The following IMMP2L variants were observed in gnomAD, a reference collection of about 807,000 sequenced individuals.
IMMP2L encodes the protein mitochondrial inner membrane protease subunit 2.
Under a neutral mutation model 19.3 loss-of-function variants are expected in IMMP2L, and 18 were observed. The ratio of observed to expected loss-of-function variants is 0.93; its 90% CI spans 0.64 to 1.38. The LOEUF (loss-of-function observed/expected upper bound fraction) is 1.38. IMMP2L is among the 40% of genes most tolerant of loss of function. The pLI, the probability that IMMP2L is intolerant of heterozygous loss-of-function variation, is 0.00. For synonymous variants in IMMP2L, 76 were observed against 73.0 expected (o/e 1.04, Z -0.21); for missense variants, 233 against 218.2 (o/e 1.07, Z -0.43).
intron 3 of IMMP2L, among the ~76,000 whole-genome samples, chr7:111,385,530 C>A (rs1332846530): frequency 6.6e-6 from 1 of 152,134 alleles, no homozygotes; most frequent in Non-Finnish European, 1.5e-5. Context: ...TTTTCATTGA[C>A]AGGACTAGCA....
chr7:111,500,717 T>G (rs925951768), intron 2 of IMMP2L, among the ~76,000 whole-genome samples: 3 of 152,174 alleles, frequency 2.0e-5, no homozygotes, highest in African/African-American at 7.2e-5. Context: ...ATACAGGGTC[T>G]GGAGTGGACA....
Position 110,815,177 on chromosome 7 carries a change from C to T in IMMP2L, c.408+71416G>A, listed in dbSNP as rs188072788. ...TTTATTGAGAGTTTTTAGCATGAAGCGCTGTTGAATTTTGTCAAAGGCCTT... is the reference window on the plus strand; with the variant it reads ...TTTATTGAGAGTTTTTAGCATGAAGTGCTGTTGAATTTTGTCAAAGGCCTT... On this transcript the variant is annotated intron_variant, in intron 5 of 5. Coordinates refer to ENST00000405709, the MANE Select transcript of IMMP2L (RefSeq NM_032549.4). Among the ~76,000 whole-genome samples the T allele has an allele frequency of 3.6e-3, 545 of 152,032 alleles. 4 individuals carry two copies. The highest frequency in any genetic ancestry group is 0.01 in the Middle Eastern group (3 of 294).
At chr7:111,489,107 C>CATCTCCGCTCACTGCA in intron 2 of IMMP2L, among the ~76,000 whole-genome samples, 1 of 133,106 alleles carries the variant, frequency 7.5e-6, no homozygotes, top group Non-Finnish European at 1.5e-5. Flanking sequence ...GCAGTGGCAT[C>CATCTCCGCTCACTGCA]ATCTCCGCTC....
intron 4 of IMMP2L, among the ~76,000 whole-genome samples, chr7:110,943,515 T>C (rs544788325): frequency 6.6e-6 from 1 of 152,064 alleles, no homozygotes; most frequent in African/African-American, 2.4e-5. Context: ...AAATAATACA[T>C]GCCACTTTTG....
chr7:110,900,319 A>C (rs1315868087), intron 4 of IMMP2L, among the ~76,000 whole-genome samples: 1 of 152,194 alleles, frequency 6.6e-6, no homozygotes, highest in African/African-American at 2.4e-5. Flanking sequence ...CACTTCATGA[A>C]ACTTTAAAGC....
chr7:111,067,247 T>G (rs997708590), intron 3 of IMMP2L, among the ~76,000 whole-genome samples: 6 of 152,208 alleles, frequency 3.9e-5, no homozygotes, highest in African/African-American at 7.2e-5. Flanking sequence ...TCTACTCAGA[T>G]GAAATCAGTA....
At chr7:111,413,672 A>G (rs1277113114) in intron 3 of IMMP2L, among the ~76,000 whole-genome samples, 1 of 151,928 alleles carries the variant, frequency 6.6e-6, no homozygotes, top group Non-Finnish European at 1.5e-5. Context: ...AAGAAAAAAA[A>G]AAAATCTCAG....
chr7:111,550,524 T>C (rs927914827), intron 1 of IMMP2L, among the ~76,000 whole-genome samples: 3 of 152,142 alleles, frequency 2.0e-5, no homozygotes, highest in African/African-American at 7.2e-5. Context: ...ATGTTGATCA[T>C]GCAGGAGAGG....
intron 5 of IMMP2L, among the ~76,000 whole-genome samples, chr7:110,687,783 A>C (rs1025050367): frequency 6.6e-6 from 1 of 152,048 alleles, no homozygotes; most frequent in African/African-American, 2.4e-5. Context: ...GAGGGCCACA[A>C]AAATATATCC....
At chr7:110,690,355 G>C (rs1793404803) in intron 5 of IMMP2L, among the ~76,000 whole-genome samples, 1 of 152,090 alleles carries the variant, frequency 6.6e-6, no homozygotes, top group Non-Finnish European at 1.5e-5. Flanking sequence ...CTTTAGTTCA[G>C]TCTGCCATAC....
chr7:110,866,532 C>A (rs926975638), intron 5 of IMMP2L, among the ~76,000 whole-genome samples: 2 of 151,990 alleles, frequency 1.3e-5, no homozygotes, highest in Admixed American at 1.3e-4. Flanking sequence ...GGTAGCACAT[C>A]AGGGCCCATC....
At chr7:111,072,054 CAATA>C (rs1239978168) in intron 3 of IMMP2L, among the ~76,000 whole-genome samples, 1 of 151,678 alleles carries the variant, frequency 6.6e-6, no homozygotes, top group Non-Finnish European at 1.5e-5. Flanking sequence ...TTAAGAATCA[CAATA>C]AATAATGATA....
rs1798146823 is a variant in IMMP2L at position 110,758,244 on chromosome 7, A to G, written c.409-94523T>C. Among the ~76,000 whole-genome samples the G allele has an allele frequency of 6.6e-6, 1 of 152,050 alleles. No homozygotes were observed. The highest frequency in any genetic ancestry group is 1.5e-5 in the Non-Finnish European group (1 of 68,000). On this transcript the variant is annotated intron_variant, in intron 5 of 5. Transcript: ENST00000405709. This position sits in a 1 kb window ranked among gnomAD's most constrained non-coding sequence, Gnocchi z 4.6. The stretch of plus-strand genomic sequence containing the variant: ...GTACAGTGATGTGGGTGAAAATCTG[A>G]CTGGAGTGGACTTAAGAGAATGGGA...
intron 4 of IMMP2L, among the ~76,000 whole-genome samples, chr7:110,899,502 T>C (rs1811651036): frequency 6.6e-6 from 1 of 152,128 alleles, no homozygotes; most frequent in Admixed American, 6.6e-5. Flanking sequence ...TCATTAAATA[T>C]AAATAAGAAT....
chr7:111,063,917 T>C (rs1413806922), intron 3 of IMMP2L, among the ~76,000 whole-genome samples: 1 of 152,232 alleles, frequency 6.6e-6, no homozygotes, highest in East Asian at 1.9e-4. Context: ...CACATTTCTC[T>C]GTCTTCTTCT....
chr7:111,168,477 T>A (rs1806077593), intron 3 of IMMP2L, among the ~76,000 whole-genome samples: 1 of 151,904 alleles, frequency 6.6e-6, no homozygotes, highest in Non-Finnish European at 1.5e-5. Flanking sequence ...AACCAGCACA[T>A]CATTAATGAA....
chr7:111,460,881 G>A (rs1031140575), intron 3 of IMMP2L, among the ~76,000 whole-genome samples: 1 of 151,996 alleles, frequency 6.6e-6, no homozygotes, highest in African/African-American at 2.4e-5. Context: ...TATGACACTA[G>A]TAAATCATTA....
intron 4 of IMMP2L, among the ~76,000 whole-genome samples, chr7:110,928,426 TTAAG>T (rs1174683974): frequency 1.7e-5 from 2 of 115,074 alleles, no homozygotes; most frequent in Non-Finnish European, 3.6e-5. Flanking sequence ...TTATATCTGG[TTAAG>T]TAAGAGGATA....
At chr7:110,798,977 A>G (rs1005013717) in intron 5 of IMMP2L, among the ~76,000 whole-genome samples, 1 of 152,030 alleles carries the variant, frequency 6.6e-6, no homozygotes, top group Non-Finnish European at 1.5e-5. Context: ...TTTGATAAAA[A>G]CTAAAACAAT....
Sources: allele counts gnomAD v4.1 joint callset (sites outside exome capture counted in the v4.1 genomes callset), GRCh38; gene constraint gnomAD v4.1.1; non-coding constraint Gnocchi (gnomAD v3.1); transcripts MANE v1.5; gene names NCBI Gene and HGNC (gene_info 2026-07-23, HGNC 2026-07-21).